Variants in BACE2 observed in about 807,000 individuals in gnomAD.
BACE2 encodes 56 kDa aspartic-like protease.
A neutral mutation model predicts 46.2 loss-of-function variants in BACE2; 17 were observed. That is an observed-to-expected ratio of 0.37 (90% confidence interval 0.25 to 0.55). BACE2 has a LOEUF of 0.55. Ranked by LOEUF, BACE2 falls within the 20% of genes least tolerant of loss-of-function variation. BACE2 has a pLI of 0.82. For synonymous variants in BACE2, 277 were observed against 295.9 expected, an observed-to-expected ratio of 0.94 and a Z score of 0.66; for missense variants, 595 against 698.1, an observed-to-expected ratio of 0.85 and a Z score of 1.66.
chr21:41,211,719 T>C (rs757716216), intron 1 of BACE2, among the ~76,000 whole-genome samples: 4 of 152,274 alleles, frequency 2.6e-5, no homozygotes, highest in Admixed American at 6.5e-5. Context: ...ATTATTTAAA[T>C]TATCTGCTAA....
intron 1 of BACE2, among the ~76,000 whole-genome samples, chr21:41,200,548 C>T (rs78674434): frequency 1.6e-3 from 250 of 152,254 alleles, no homozygotes; most frequent in African/African-American, 5.8e-3. Context: ...GCTAGCCCGG[C>T]CCCCTGTGAT....
intron 1 of BACE2, among the ~76,000 whole-genome samples, chr21:41,197,272 TTTG>T (rs1234270988): frequency 6.7e-6 from 1 of 149,756 alleles, no homozygotes; most frequent in Non-Finnish European, 1.5e-5. Context: ...CCAGGTTTTT[TTTG>T]TTTTTTTTTT....
chr21:41,176,916 A>G (rs1323576307), intron 1 of BACE2: 1 of 152,208 alleles, frequency 6.6e-6, no homozygotes, highest in African/African-American at 2.4e-5. Context: ...ATTCTTCTAC[A>G]CTGGTCCCAC....
chr21:41,253,357 G>A (rs760409613), intron 7 of BACE2, among the ~76,000 whole-genome samples: 4 of 150,312 alleles, frequency 2.7e-5, no homozygotes, highest in Non-Finnish European at 4.4e-5. Context: ...CAGGAGAGTC[G>A]CTTGAACCTG....
At chr21:41,176,997 A>G (rs1181249336) in intron 1 of BACE2, 1 of 152,262 alleles carries the variant, frequency 6.6e-6, no homozygotes, top group East Asian at 1.9e-4. Context: ...CCTCCTCTAC[A>G]AAGTGTGCTT....
At chr21:41,219,548 C>T (rs2123561441) in intron 1 of BACE2, among the ~76,000 whole-genome samples, 1 of 152,306 alleles carries the variant, frequency 6.6e-6, no homozygotes, top group Admixed American at 6.5e-5. Context: ...TGGTGAGTTA[C>T]TGATAACTTA....
intron 1 of BACE2, among the ~76,000 whole-genome samples, chr21:41,173,363 G>A (rs552065690): frequency 9.2e-5 from 14 of 152,342 alleles, no homozygotes; most frequent in African/African-American, 2.9e-4. Context: ...TGGGGCTTAG[G>A]GTGGGAGAAG....
chr21:41,187,850 C>T (rs897797187), intron 1 of BACE2, among the ~76,000 whole-genome samples: 16 of 152,312 alleles, frequency 1.1e-4, no homozygotes, highest in Non-Finnish European at 2.1e-4. Context: ...AACAAAGTTG[C>T]AAGCAAGTGT....
At chr21:41,243,897 A>C (rs1987378019) in intron 5 of BACE2, among the ~76,000 whole-genome samples, 2 of 137,970 alleles carry the variant, frequency 1.4e-5, no homozygotes, top group Non-Finnish European at 3.0e-5. Flanking sequence ...AGCAAAATGA[A>C]ACCGAAAAGA....
intron 1 of BACE2, among the ~76,000 whole-genome samples, chr21:41,202,618 G>T (rs1313042811): frequency 6.6e-5 from 10 of 152,200 alleles, no homozygotes; most frequent in Admixed American, 2.0e-4. Context: ...AATTAAACTG[G>T]AAAAGGGAGA....
rs1235279409 is a variant in BACE2, at chr21:41,168,497, G to C, written c.234G>C (p.Leu78Phe). Residue 78 changes from leucine (L) to phenylalanine (F), a missense_variant, in exon 1 of 9, where the codon TTG (leucine) becomes TTC (phenylalanine). Leu to Phe is a conservative substitution (Grantham distance 22). This residue lies in a region of BACE2 where 248 missense variants were observed against 261.4 expected (regional missense o/e 0.95). Coordinates refer to ENST00000330333, the MANE Select transcript of BACE2 (RefSeq NM_012105.5). ...CCCCCGCGGGCGCCGCCAACTTCTT[G>C]GCCATGGTAGACAACCTGCAGGGGG... Reference protein sequence around the residue: ...LASPAGAANFLAMVDNLQGDS... With the variant: ...LASPAGAANFFAMVDNLQGDS... 4 of 1,386,734 alleles carry C rather than the reference G, an allele frequency of 2.9e-6. No individual in the cohort carries two copies. In the South Asian group the frequency reaches 5.7e-5, roughly 20 times the overall value. 85.9% of individuals were successfully genotyped at this position (1,386,734 alleles called of 1,614,324 possible).
At chr21:41,247,869 G>C (rs1043074286) in intron 6 of BACE2, among the ~76,000 whole-genome samples, 1 of 152,210 alleles carries the variant, frequency 6.6e-6, no homozygotes, top group Non-Finnish European at 1.5e-5. Flanking sequence ...TTGTGTGTCT[G>C]GCTTACCGTC....
At chr21:41,273,371 C>G (rs1268244649) in intron 8 of BACE2, among the ~76,000 whole-genome samples, 1 of 152,156 alleles carries the variant, frequency 6.6e-6, no homozygotes, top group African/African-American at 2.4e-5. Context: ...CTTATTTCAT[C>G]CCTTATCGGC....
chr21:41,206,320 G>C (rs904553428), intron 1 of BACE2, among the ~76,000 whole-genome samples: 1 of 152,092 alleles, frequency 6.6e-6, no homozygotes, highest in Non-Finnish European at 1.5e-5. Context: ...CATCCATGAG[G>C]CTCCATCCTC....
chr21:41,279,553 C>A lies in BACE2; in HGVS notation c.*3929C>A, dbSNP rs11701157. On this transcript the variant is annotated 3_prime_UTR_variant, in exon 9 of 9. Coordinates refer to ENST00000330333, the MANE Select transcript of BACE2 (RefSeq NM_012105.5). ...CAGAGGTTGTAGTGAGCCAAGATTG[C>A]GCCACTGCACTCCAGCCTGGGCAAC... The A allele has an allele frequency of 0.074, 11,240 of 152,200 alleles. 496 individuals carry two copies. The highest frequency in any genetic ancestry group is 0.17 in the South Asian group (819 of 4,816). The allele number at this position is 152,200 out of a possible 1,614,324, so 9.4% of individuals were successfully genotyped here.
At position 41,275,340 on chromosome 21, in the gene BACE2, A is replaced by C. The variant is rs1381621219; in HGVS notation, c.1304-31A>C. ...GTGAGAGGTGGACCGCTCATTTCAC[A>C]GCTGTGGATTTTCCCTTTCTGTCTC... On this transcript the variant is annotated intron_variant, in intron 8 of 8. Transcript: ENST00000330333. 6 of 1,613,282 alleles carry C rather than the reference A, an allele frequency of 3.7e-6. No individual in the cohort carries two copies. The African/African-American group carries it at 5.3e-5, about 14-fold the overall frequency.
At chr21:41,260,324 G>T (rs1024093325) in intron 8 of BACE2, among the ~76,000 whole-genome samples, 1 of 151,180 alleles carries the variant, frequency 6.6e-6, no homozygotes, top group Non-Finnish European at 1.5e-5. Context: ...TTGGTATTTT[G>T]TGTAGAGATG....
In BACE2 at chr21:41,168,326, C is replaced by T; in HGVS notation, c.63C>T (p.Ala21=). ...TGGCCCAGTGGCTCCTGCGCGCCGC[C>T]CCGGAGCTGGCCCCCGCGCCCTTCA... ...PLLAQWLLRA[A]PELAPAPFTL... is the part of the protein sequence containing the mutation. Residue 21 remains alanine (A), a synonymous_variant, in exon 1 of 9, where the codon GCC becomes GCT. Coordinates refer to ENST00000330333, the MANE Select transcript of BACE2 (RefSeq NM_012105.5). 1 of 1,348,064 alleles carries T rather than the reference C, an allele frequency of 7.4e-7. No individual in the cohort carries two copies. The highest frequency in any genetic ancestry group is 9.5e-7 in the Non-Finnish European group (1 of 1,048,648). The allele number at this position is 1,348,064 out of a possible 1,614,324, so 83.5% of individuals were successfully genotyped here. A position where few individuals can be genotyped will look rare whatever the true frequency, so the allele number is the denominator to read the frequency against.
At chr21:41,191,618 T>C (rs1985572805) in intron 1 of BACE2, among the ~76,000 whole-genome samples, 1 of 152,168 alleles carries the variant, frequency 6.6e-6, no homozygotes, top group Non-Finnish European at 1.5e-5. Context: ...TTGGTCTCTG[T>C]TGCTGGCAAA....
Sources: allele counts gnomAD v4.1 joint callset (sites outside exome capture counted in the v4.1 genomes callset), GRCh38; gene constraint gnomAD v4.1.1; regional missense constraint gnomAD v4.1.1; transcripts MANE v1.5; gene names NCBI Gene and HGNC (gene_info 2026-07-23, HGNC 2026-07-21).